DYTN: variants seen among roughly 807,000 people sequenced by gnomAD.
DYTN encodes dystrotelin.
A neutral mutation model predicts 69.6 loss-of-function variants in DYTN; 75 were observed. The ratio of observed to expected loss-of-function variants is 1.08; its 90% confidence interval spans 0.89 to 1.31. DYTN has a LOEUF of 1.31. Ranked by LOEUF, DYTN falls within the 50% of genes most tolerant of loss-of-function variation. DYTN has a pLI of 0.00. For synonymous variants in DYTN, 252 were observed against 249.1 expected (o/e 1.01, Z -0.11); for missense variants, 726 against 688.4 (o/e 1.05, Z -0.61).
At chr2:206,706,978 C>T (rs1013454938) in intron 3 of DYTN, among the ~76,000 whole-genome samples, 6 of 151,676 alleles carry the variant, frequency 4.0e-5, no homozygotes, top group Non-Finnish European at 5.9e-5. Context: ...AACTAAGTGT[C>T]GCTTTTCACA....
chr2:206,654,360 A>T (rs1471873587), intron 11 of DYTN, among the ~76,000 whole-genome samples: 5 of 152,196 alleles, frequency 3.3e-5, no homozygotes, highest in African/African-American at 1.2e-4. Context: ...GATGATGAGG[A>T]TGAAGATCTT....
At chr2:206,693,387 A>G (rs900859005) in intron 8 of DYTN, 64 bp from the exon 9 acceptor site, 1 of 1,536,010 alleles carries the variant, frequency 6.5e-7, no homozygotes, top group Non-Finnish European at 8.7e-7. Flanking sequence ...TTCCTTCCTT[A>G]CTTGGATGGA....
At position 206,718,367 on chromosome 2, in the gene DYTN, A is replaced by T; in HGVS notation, c.-88T>A. Reference sequence around the variant, plus strand: ...TTTTAAGCAGAAGGTTTTGCAGCAGAGGAATGAGGACAGGGGAACAAAAAG... The same window carrying T: ...TTTTAAGCAGAAGGTTTTGCAGCAGTGGAATGAGGACAGGGGAACAAAAAG... On this transcript the variant is annotated 5_prime_UTR_variant, in exon 1 of 12. Transcript: ENST00000452335. The T allele has an allele frequency of 6.9e-7, 1 of 1,444,094 alleles. No individual in the cohort carries two copies. The highest frequency in any genetic ancestry group is 9.5e-7 in the Non-Finnish European group (1 of 1,055,056). 89.5% of individuals were successfully genotyped at this position (1,444,094 alleles called of 1,614,324 possible).
intron 1 of DYTN, 37 bp from the exon 2 acceptor site, chr2:206,710,635 C>A: frequency 6.8e-7 from 1 of 1,466,666 alleles, no homozygotes; most frequent in Non-Finnish European, 9.3e-7. Context: ...AATAAAGTCT[C>A]TCTCATTATA....
chr2:206,665,221 A>G (rs1012819285), intron 10 of DYTN, among the ~76,000 whole-genome samples: 2 of 152,196 alleles, frequency 1.3e-5, no homozygotes, highest in Non-Finnish European at 2.9e-5. Flanking sequence ...GTATTTAAAG[A>G]GATTTGTGGA....
intron 4 of DYTN, 149 bp downstream of exon 4, chr2:206,705,639 G>T: frequency 3.1e-6 from 2 of 638,604 alleles, no homozygotes; most frequent in Non-Finnish European, 5.0e-6. Context: ...AAATTCCAAA[G>T]TCCTCAAATA....
chr2:206,677,444 T>A (rs1356920818), intron 9 of DYTN, among the ~76,000 whole-genome samples: 10 of 152,116 alleles, frequency 6.6e-5, no homozygotes, highest in Admixed American at 5.2e-4. Context: ...TGACAAATTT[T>A]TTGGTATATA....
chr2:206,666,218 T>C (rs867084426), intron 9 of DYTN, among the ~76,000 whole-genome samples, 189 bp from the exon 10 acceptor site: 2 of 152,278 alleles, frequency 1.3e-5, no homozygotes, highest in South Asian at 4.2e-4. Context: ...TGGCGCGATC[T>C]TGGTTCACTG....
rs191913756 is a variant in DYTN at position 206,661,019 on chromosome 2, C to T, written c.1633+1884G>A. The stretch of plus-strand genomic sequence containing the variant: ...AGAGATAATTAAGTTAAAATGAGGT[C>T]GCTAGGATGAGCCCTAATCCAATAT... On this transcript the variant is annotated intron_variant, in intron 11 of 11. Coordinates refer to ENST00000452335, the MANE Select transcript of DYTN (RefSeq NM_001093730.1). Among the ~76,000 whole-genome samples, 18 of 152,028 alleles carry T rather than the reference C, an allele frequency of 1.2e-4. No individual in the cohort carries two copies. The East Asian group carries it at 2.9e-3, about 25-fold the overall frequency.
intron 7 of DYTN, among the ~76,000 whole-genome samples, chr2:206,696,300 C>T (rs530402687): frequency 1.5e-3 from 226 of 152,232 alleles, no homozygotes; most frequent in African/African-American, 5.1e-3. Context: ...TGAATAACAG[C>T]GGGAAAACAC....
intron 1 of DYTN, among the ~76,000 whole-genome samples, chr2:206,716,604 C>A (rs778927077): frequency 1.3e-5 from 2 of 151,744 alleles, no homozygotes; most frequent in Non-Finnish European, 2.9e-5. Context: ...AGATAAGATG[C>A]CAATGTTAGA....
rs764196378 is a variant in DYTN, at chr2:206,693,253, C to T, written c.902G>A (p.Arg301Lys). 15 of 1,613,664 alleles carry T rather than the reference C, an allele frequency of 9.3e-6. No individual in the cohort carries two copies. The highest frequency in any genetic ancestry group is 1.3e-5 in the Non-Finnish European group (15 of 1,179,868). The change falls in exon 9 of 12, where the codon AGG becomes AAG. Residue 301 changes from arginine (R) to lysine (K), a missense_variant. Coordinates refer to ENST00000452335, the MANE Select transcript of DYTN (RefSeq NM_001093730.1). ...LRNNLLQGRC[R>K]KKEAARRQQL... ...CTGCCTTCTCGCTGCTTCTTTCTTC[C>T]TACAGCGCCCCTGAAGAAGGTTGTT...
chr2:206,697,485 T>A (rs1273584485), intron 7 of DYTN, among the ~76,000 whole-genome samples: 1 of 152,170 alleles, frequency 6.6e-6, no homozygotes, highest in African/African-American at 2.4e-5. Context: ...GCTTTCTTCA[T>A]CTCCCAAAAA....
chr2:206,696,567 C>A (rs980012129), intron 7 of DYTN, among the ~76,000 whole-genome samples: 1 of 152,160 alleles, frequency 6.6e-6, no homozygotes, highest in African/African-American at 2.4e-5. Context: ...CATGGAAATT[C>A]TTTCAGGTAT....
At chr2:206,691,983 A>T (rs981143145) in intron 9 of DYTN, among the ~76,000 whole-genome samples, 3 of 152,156 alleles carry the variant, frequency 2.0e-5, no homozygotes, top group Non-Finnish European at 2.9e-5. Context: ...CTTTTTCTCA[A>T]AAGTGATGAG....
intron 9 of DYTN, among the ~76,000 whole-genome samples, chr2:206,676,139 T>A (rs1699683396): frequency 6.6e-6 from 1 of 152,234 alleles, no homozygotes; most frequent in Non-Finnish European, 1.5e-5. Flanking sequence ...ATAGGTTTAA[T>A]GCAGCACTAT....
At chr2:206,656,234 G>T (rs1185073949) in intron 11 of DYTN, among the ~76,000 whole-genome samples, 4 of 151,990 alleles carry the variant, frequency 2.6e-5, no homozygotes, top group African/African-American at 7.3e-5. Flanking sequence ...ATTTTATAAT[G>T]ACTTCTTTGT....
rs71429735 is a variant in DYTN at position 206,689,744 on chromosome 2, G to A, written c.980+3431C>T. The stretch of plus-strand genomic sequence containing the variant: ...AGCTTCTGTCTCTGTTCCAGATTCA[G>A]TCAAACCTCATTATCTTGTTCCAAA... On this transcript the variant is annotated intron_variant, in intron 9 of 11. Coordinates refer to ENST00000452335, the MANE Select transcript of DYTN (RefSeq NM_001093730.1). Among the ~76,000 whole-genome samples, 1,366 of 152,296 alleles carry A rather than the reference G, an allele frequency of 9.0e-3. 11 individuals are homozygous for A. The highest frequency in any genetic ancestry group is 0.027 in the Middle Eastern group (8 of 294).
At chr2:206,680,616 G>A (rs4675622) in intron 9 of DYTN, among the ~76,000 whole-genome samples, 23,670 of 152,006 alleles carry the variant, frequency 0.16, 2,026 homozygotes, top group East Asian at 0.21. Flanking sequence ...CAGAATGTTC[G>A]TAATCCTACA....
Sources: gnomAD v4.1 joint callset for allele counts (sites outside exome capture counted in the v4.1 genomes callset) on GRCh38, gnomAD v4.1.1 for gene constraint, MANE v1.5 for transcripts, NCBI Gene and HGNC (gene_info 2026-07-23, HGNC 2026-07-21) for gene names.